Variants in NECTIN3 observed in about 807,000 individuals in gnomAD.
NECTIN3 encodes the protein nectin-3.
In NECTIN3, 8 loss-of-function variants were observed where a neutral mutation model predicts 49.4. That is an observed-to-expected ratio of 0.16 (90% CI 0.10 to 0.29). The LOEUF (loss-of-function observed/expected upper bound fraction) is 0.29. Among genes scored for constraint, NECTIN3 ranks in the 10% least tolerant of loss-of-function variants. The pLI is 1.00. For synonymous variants in NECTIN3, 277 were observed against 241.1 expected, an observed-to-expected ratio of 1.15 and a Z score of -1.38; for missense variants, 581 against 654.6, an observed-to-expected ratio of 0.89 and a Z score of 1.23.
chr3:111,102,980 T>G lies in NECTIN3; in HGVS notation c.161-9050T>G, dbSNP rs545997070. 3.9e-5 allele frequency among the ~76,000 whole-genome samples: 6 copies of G among 152,308 alleles called. No homozygotes were observed. In the East Asian group the frequency reaches 5.8e-4, roughly 15 times the overall value. ...TATAGTTAAAGACTATATGAGTCTG[T>G]TTTTGGGCTCTATTCTGTTCCACTG... is the stretch of plus-strand genomic sequence containing the variant. On this transcript the variant is annotated intron_variant, in intron 1 of 5. Transcript: ENST00000485303.
intron 1 of NECTIN3, among the ~76,000 whole-genome samples, chr3:111,078,226 A>C (rs546219289): frequency 4.6e-5 from 7 of 152,198 alleles, no homozygotes; most frequent in Admixed American, 1.3e-4. Flanking sequence ...GTCTTTACCC[A>C]TAAGGCCTAG....
At position 111,136,677 on chromosome 3, in the gene NECTIN3, A is replaced by G. The variant is rs2034586880; in HGVS notation, c.*2462A>G. On this transcript the variant is annotated 3_prime_UTR_variant, in exon 6 of 6. Transcript: ENST00000485303. ...ATATATGAAAATTCTACTATCGTGAAAAAAAATGAATATTTGTACTATTTT... is the reference window on the plus strand; with the variant it reads ...ATATATGAAAATTCTACTATCGTGAGAAAAAATGAATATTTGTACTATTTT... 3.3e-6 allele frequency: 3 copies of G among 911,678 alleles called. No homozygotes were observed. Among genetic ancestry groups the G allele is most frequent in the African/African-American group, 3.6e-5 (2 of 55,194 alleles). The allele number at this position is 911,678 out of a possible 1,614,324, so 56.5% of individuals were successfully genotyped here.
chr3:111,131,931 A>AT (rs1214208467), intron 5 of NECTIN3, among the ~76,000 whole-genome samples: 2 of 151,758 alleles, frequency 1.3e-5, no homozygotes, highest in Non-Finnish European at 1.5e-5. Context: ...AGTTTATTAT[A>AT]TTTTTTTCTT....
Position 111,183,942 on chromosome 3 carries a change from T to C in NECTIN3, c.1222-8409T>C, listed in dbSNP as rs191279148. ...GAAAATTTTGGCAGTTCTTCAAATA[T>C]TATAGTTTTCCCTTCCTTCTGTGAT... On this transcript the variant is annotated intron_variant, in intron 7 of 8. Coordinates refer to the NECTIN3 transcript ENST00000493615. 4.3e-3 allele frequency among the ~76,000 whole-genome samples: 655 copies of C among 152,284 alleles called. 5 individuals carry two copies. The highest frequency in any genetic ancestry group is 0.015 in the African/African-American group (617 of 41,576).
At chr3:111,105,072 CA>C (rs1361478111) in intron 1 of NECTIN3, among the ~76,000 whole-genome samples, 2 of 152,026 alleles carry the variant, frequency 1.3e-5, no homozygotes, top group African/African-American at 4.8e-5. Context: ...AGTTTTTTCA[CA>C]CCTTTGGTCA....
intron 1 of NECTIN3, among the ~76,000 whole-genome samples, chr3:111,089,777 C>A (rs1471750310): frequency 1.3e-5 from 2 of 151,850 alleles, no homozygotes; most frequent in Non-Finnish European, 2.9e-5. Flanking sequence ...TGAGTTAGAT[C>A]GAGTTGGTTG....
At chr3:111,081,684 C>T (rs1194326817) in intron 1 of NECTIN3, among the ~76,000 whole-genome samples, 4 of 152,106 alleles carry the variant, frequency 2.6e-5, no homozygotes, top group Admixed American at 2.0e-4. Flanking sequence ...CTTAGAGGAG[C>T]TAATTTTCTA....
intron 7 of NECTIN3, among the ~76,000 whole-genome samples, chr3:111,151,252 C>T (rs1037287425): frequency 6.6e-6 from 1 of 151,650 alleles, no homozygotes; most frequent in East Asian, 1.9e-4. Context: ...TTATGTATTC[C>T]GATAAACAGG....
chr3:111,164,895 T>C (rs1271599212), intron 7 of NECTIN3, among the ~76,000 whole-genome samples: 3 of 152,224 alleles, frequency 2.0e-5, no homozygotes, highest in Non-Finnish European at 4.4e-5. Context: ...CACCACCATG[T>C]AACTCAGGCA....
chr3:111,104,121 T>C (rs2033056318), intron 1 of NECTIN3, among the ~76,000 whole-genome samples: 1 of 152,192 alleles, frequency 6.6e-6, no homozygotes, highest in Admixed American at 6.5e-5. Context: ...TTTTACAGTT[T>C]AACCAGCAAT....
At chr3:111,142,192 AC>A (rs2034764068), downstream of NECTIN3, among the ~76,000 whole-genome samples, 1 of 151,918 alleles carries the variant, frequency 6.6e-6, no homozygotes, top group African/African-American at 2.4e-5. Flanking sequence ...TTAAGTACTT[AC>A]CTTTTTTCTC....
intron 2 of NECTIN3, among the ~76,000 whole-genome samples, chr3:111,117,276 G>A (rs1340325919): frequency 1.3e-5 from 2 of 152,056 alleles, no homozygotes; most frequent in East Asian, 3.9e-4. Context: ...AGAAAGTTCA[G>A]AAACAGGCTA....
At chr3:111,090,563 CTTGT>C (rs995891254) in intron 1 of NECTIN3, among the ~76,000 whole-genome samples, 3 of 58,192 alleles carry the variant, frequency 5.2e-5, no homozygotes, top group African/African-American at 9.8e-5. Flanking sequence ...TGTGTGTTTG[CTTGT>C]TTGTGTGTGT....
intron 7 of NECTIN3, among the ~76,000 whole-genome samples, chr3:111,155,465 C>A (rs2035078213): frequency 2.0e-5 from 3 of 152,118 alleles, no homozygotes; most frequent in Admixed American, 1.3e-4. Flanking sequence ...TTTCAGAGCA[C>A]CTGGTAGCTT....
intron 5 of NECTIN3, among the ~76,000 whole-genome samples, chr3:111,127,676 C>G (rs1202117803): frequency 6.6e-6 from 1 of 151,948 alleles, no homozygotes; most frequent in Non-Finnish European, 1.5e-5. Flanking sequence ...AGCAATCCTC[C>G]CACCTCAGCC....
Position 111,071,972 on chromosome 3 carries a change from G to A in NECTIN3, c.-46G>A, listed in dbSNP as rs1229341725. 63 of 1,350,100 alleles carry A rather than the reference G, an allele frequency of 4.7e-5. No homozygotes were observed. The African/African-American group carries it at 8.2e-4, about 18-fold the overall frequency. The allele number at this position is 1,350,100 out of a possible 1,614,324, so 83.6% of individuals were successfully genotyped here. ...CAGAGCCTGAGGCGCCGGGGCCGGG[G>A]GAGCCGGGGGGCGGGCGGGCGAGCG... On this transcript the variant is annotated 5_prime_UTR_variant, in exon 1 of 6. Coordinates refer to ENST00000485303, the MANE Select transcript of NECTIN3 (RefSeq NM_015480.3).
At chr3:111,085,479 T>C (rs1215956471) in intron 1 of NECTIN3, among the ~76,000 whole-genome samples, 19 of 152,200 alleles carry the variant, frequency 1.2e-4, no homozygotes, top group Admixed American at 1.2e-3. Flanking sequence ...TTGGATGAAC[T>C]GTTAAAATGT....
chr3:111,128,350 A>AAG (rs1450276891), intron 5 of NECTIN3, among the ~76,000 whole-genome samples: 1 of 151,958 alleles, frequency 6.6e-6, no homozygotes. Flanking sequence ...TTAAAAAATA[A>AAG]ATATCAAGGC....
intron 1 of NECTIN3, among the ~76,000 whole-genome samples, chr3:111,101,120 C>G (rs1000482382): frequency 2.6e-5 from 4 of 152,030 alleles, no homozygotes; most frequent in East Asian, 1.9e-4. Flanking sequence ...TCAGATACCC[C>G]CTAAGGTCTC....
Sources: gnomAD v4.1 joint callset for allele counts (sites outside exome capture counted in the v4.1 genomes callset) on GRCh38, gnomAD v4.1.1 for gene constraint, MANE v1.5 for transcripts, NCBI Gene and HGNC (gene_info 2026-07-23, HGNC 2026-07-21) for gene names.